Variants in ENTPD6 observed in about 807,000 individuals in gnomAD.
ENTPD6 encodes the protein ectonucleoside triphosphate diphosphohydrolase 6, also known as CD39 antigen-like 2.
Under a neutral mutation model 61.5 loss-of-function variants are expected in ENTPD6, and 46 were observed. The ratio of observed to expected loss-of-function variants is 0.75; its 90% CI spans 0.59 to 0.96. The LOEUF is 0.96. ENTPD6 is among the 40% of genes least tolerant of loss of function. The pLI, the probability that ENTPD6 is intolerant of heterozygous loss-of-function variation, is 0.00. For synonymous variants in ENTPD6, 252 were observed against 255.5 expected (o/e 0.99, Z 0.13); for missense variants, 612 against 629.0 (o/e 0.97, Z 0.29).
At chr20:25,201,940 A>G (rs1386609176) in intron 1 of ENTPD6, among the ~76,000 whole-genome samples, 1 of 151,864 alleles carries the variant, frequency 6.6e-6, no homozygotes, top group Non-Finnish European at 1.5e-5. Context: ...CTGGTCTCAA[A>G]CTCCTGGGCT....
At chr20:25,223,162 G>C (rs2092695348) in intron 12 of ENTPD6, among the ~76,000 whole-genome samples, 184 bp downstream of exon 12, 1 of 152,142 alleles carries the variant, frequency 6.6e-6, no homozygotes, top group Admixed American at 6.5e-5. Context: ...TCAGTTCTTT[G>C]AGCCCTTCAG....
rs2092810011 is a variant in ENTPD6 at position 25,227,130 on chromosome 20, G to C, written c.*1533G>C. Among the ~76,000 whole-genome samples, 1 of 152,132 alleles carries C rather than the reference G, an allele frequency of 6.6e-6. No individual in the cohort carries two copies. Among genetic ancestry groups the C allele is most frequent in the African/African-American group, 2.4e-5 (1 of 41,422 alleles). On this transcript the variant is annotated 3_prime_UTR_variant, in exon 15 of 15. Coordinates refer to ENST00000376652, the MANE Select transcript of ENTPD6 (RefSeq NM_001247.5). ...CACATCCCGAGTGCTTGTGCCTGAA[G>C]CCCCCCCCAACCAACTGTCACAGGA...
At chr20:25,206,793 C>T (rs1297111309) in intron 2 of ENTPD6, among the ~76,000 whole-genome samples, 4 of 152,200 alleles carry the variant, frequency 2.6e-5, no homozygotes, top group Admixed American at 6.5e-5. Flanking sequence ...GGGACCCTCC[C>T]TTAGAGGAGC....
chr20:25,211,959 C>T (rs1432290818), intron 4 of ENTPD6, among the ~76,000 whole-genome samples: 7 of 152,208 alleles, frequency 4.6e-5, no homozygotes, highest in Admixed American at 1.3e-4. Context: ...TAGATGCACA[C>T]CGCAATGCCC....
chr20:25,200,771 A>G (rs143516462), intron 1 of ENTPD6, among the ~76,000 whole-genome samples: 1 of 151,710 alleles, frequency 6.6e-6, no homozygotes, highest in African/African-American at 2.4e-5. Flanking sequence ...CTATTTTTCT[A>G]TTCTCTATCC....
intron 8 of ENTPD6, 48 bp from the exon 9 acceptor site, chr20:25,217,454 T>C (rs774299456): frequency 1.3e-6 from 2 of 1,571,334 alleles, no homozygotes; most frequent in South Asian, 2.2e-5. Context: ...GGAGGAGAAT[T>C]TTCTAGAAAG....
At chr20:25,224,275 G>A (rs1363744814) in intron 13 of ENTPD6, 118 bp downstream of exon 13, 1 of 828,940 alleles carries the variant, frequency 1.2e-6, no homozygotes, top group East Asian at 3.0e-5. Context: ...CCACAGGCAG[G>A]GGCCTCGGCC....
At chr20:25,215,605 T>A in intron 6 of ENTPD6, 71 bp from the exon 7 acceptor site, 1 of 1,516,912 alleles carries the variant, frequency 6.6e-7, no homozygotes, top group Non-Finnish European at 9.2e-7. Flanking sequence ...AAATAGTCAT[T>A]TAACGGTCCT....
At chr20:25,223,925 TC>T in intron 12 of ENTPD6, 175 bp from the exon 13 acceptor site, 1 of 497,820 alleles carries the variant, frequency 2.0e-6, no homozygotes, top group Non-Finnish European at 3.5e-6. Context: ...CCACACCACA[TC>T]ACCCAGAAGC....
Position 25,226,470 on chromosome 20 carries a change from GCAGCTGTGCCACGGGT to G in ENTPD6, c.*880_*895del, listed in dbSNP as rs955429549. ...GCCTAGCCAGGGCCATGTCTTAGGT[GCAGCTGTGCCACGGGT>G]CAGCTGAGCCACAGTCCCAGAACCA... On this transcript the variant is annotated 3_prime_UTR_variant, in exon 15 of 15. Transcript: ENST00000376652. 6.6e-6 allele frequency: 1 copy of G among 152,668 alleles called. No individual in the cohort carries two copies. The highest frequency in any genetic ancestry group is 2.4e-5 in the African/African-American group (1 of 41,422). The allele number at this position is 152,668 out of a possible 1,614,324, so 9.5% of individuals were successfully genotyped here.
At chr20:25,205,425 G>T (rs2091397049) in intron 1 of ENTPD6, among the ~76,000 whole-genome samples, 1 of 152,144 alleles carries the variant, frequency 6.6e-6, no homozygotes, top group African/African-American at 2.4e-5. Flanking sequence ...GCAGGGAGAG[G>T]CTGAGTTCTA....
At chr20:25,215,280 C>T (rs1005561398) in intron 6 of ENTPD6, among the ~76,000 whole-genome samples, 4 of 152,144 alleles carry the variant, frequency 2.6e-5, no homozygotes, top group South Asian at 2.1e-4. Context: ...AATGTTGTTG[C>T]GTTGTTAATT....
chr20:25,221,736 G>A (rs958886996), intron 11 of ENTPD6: 7 of 326,132 alleles, frequency 2.1e-5, no homozygotes, highest in East Asian at 8.0e-5. Flanking sequence ...TATGGAGCCC[G>A]CTGGCCCTGG....
chr20:25,216,296 G>A (rs1235651293), intron 7 of ENTPD6, among the ~76,000 whole-genome samples: 1 of 152,186 alleles, frequency 6.6e-6, no homozygotes, highest in Non-Finnish European at 1.5e-5. Flanking sequence ...TAGGAGATGG[G>A]TTGGGAGCCT....
intron 6 of ENTPD6, 130 bp from the exon 7 acceptor site, chr20:25,215,546 A>T: frequency 1.2e-6 from 1 of 868,562 alleles, no homozygotes. Flanking sequence ...CGATGATCTG[A>T]AGGCTGGGTG....
chr20:25,206,569 A>G lies in ENTPD6; in HGVS notation c.33A>G (p.Arg11=), dbSNP rs765591179. Reference sequence around the variant, plus strand: ...AAGGTATCCGTTATGAAACTTCCAGAAAAACGAGCTACATTTTTCAGGTTT... The same window carrying G: ...AAGGTATCCGTTATGAAACTTCCAGGAAAACGAGCTACATTTTTCAGGTTT... MKKGIRYETS[R]KTSYIFQQPQ... Residue 11 remains arginine (R), a synonymous_variant, in exon 2 of 15, where the codon AGA becomes AGG. Transcript: ENST00000376652. The G allele has an allele frequency of 5.0e-6, 8 of 1,613,766 alleles. No homozygotes were observed. The highest frequency in any genetic ancestry group is 6.8e-6 in the Non-Finnish European group (8 of 1,179,618).
rs887655598 is a variant in ENTPD6, at chr20:25,210,030, G to C, written c.453+105G>C. The C allele has an allele frequency of 5.5e-5, 57 of 1,038,072 alleles. 1 individual carries two copies. The highest frequency in any genetic ancestry group is 2.2e-4 in the Middle Eastern group (1 of 4,556). 64.3% of individuals were successfully genotyped at this position (1,038,072 alleles called of 1,614,324 possible). On this transcript the variant is annotated intron_variant, in intron 4 of 14. Transcript: ENST00000376652. ...TGTCTTCACAAAGGAAGGGGGCTTT[G>C]ACAGTGCTGCCTGGGCATTTCATGC...
At chr20:25,204,453 T>G (rs1219256281) in intron 1 of ENTPD6, among the ~76,000 whole-genome samples, 1 of 146,610 alleles carries the variant, frequency 6.8e-6, no homozygotes, top group Non-Finnish European at 1.5e-5. Flanking sequence ...TTGGCTCCAT[T>G]AAACTTTTAC....
intron 8 of ENTPD6, 38 bp from the exon 9 acceptor site, chr20:25,217,464 G>C: frequency 6.3e-7 from 1 of 1,591,152 alleles, no homozygotes; most frequent in Non-Finnish European, 8.6e-7. Flanking sequence ...TTTCTAGAAA[G>C]ACCAGCAGGA....
Sources: allele counts gnomAD v4.1 joint callset (sites outside exome capture counted in the v4.1 genomes callset), GRCh38; gene constraint gnomAD v4.1.1; transcripts MANE v1.5; gene names NCBI Gene and HGNC (gene_info 2026-07-23, HGNC 2026-07-21).